The following NDST4 variants were observed in gnomAD, a reference collection of about 807,000 sequenced individuals.
The protein encoded by NDST4 is N-deacetylase and N-sulfotransferase 4, also known as N-heparan sulfate sulfotransferase 4.
NDST4 carries 63 observed loss-of-function variants against 100.8 expected under a neutral mutation model. The observed-to-expected ratio is 0.62, with a 90% CI of 0.51 to 0.77. The LOEUF is 0.77. NDST4 is among the 30% of genes least tolerant of loss of function. The pLI is 0.00. For missense variants in NDST4, 943 were observed against 1,018.4 expected (o/e 0.93, Z 1.01); for synonymous variants, 377 against 361.8 (o/e 1.04, Z -0.48).
At chr4:115,000,331 A>C (rs1374245351) in intron 2 of NDST4, among the ~76,000 whole-genome samples, 1 of 151,988 alleles carries the variant, frequency 6.6e-6, no homozygotes, top group African/African-American at 2.4e-5. Context: ...CAGGAATTTA[A>C]CCTTTCATTT....
At chr4:114,879,375 A>C (rs1724319325) in intron 6 of NDST4, among the ~76,000 whole-genome samples, 1 of 152,176 alleles carries the variant, frequency 6.6e-6, no homozygotes, top group Non-Finnish European at 1.5e-5. Context: ...CATTTTCAAA[A>C]GTTCAATTAG....
intron 6 of NDST4, among the ~76,000 whole-genome samples, chr4:114,915,021 T>A (rs1725140626): frequency 6.6e-6 from 1 of 152,186 alleles, no homozygotes; most frequent in Admixed American, 6.5e-5. Flanking sequence ...ACTGGCACTA[T>A]TTTTAATGAA....
chr4:114,866,487 T>C (rs1349750660), intron 7 of NDST4, among the ~76,000 whole-genome samples: 1 of 152,224 alleles, frequency 6.6e-6, no homozygotes, highest in Middle Eastern at 3.2e-3. Context: ...TACCATTACA[T>C]CACTATTTAC....
At chr4:115,024,726 T>C (rs907869211) in intron 2 of NDST4, among the ~76,000 whole-genome samples, 5 of 152,080 alleles carry the variant, frequency 3.3e-5, no homozygotes, top group Non-Finnish European at 7.3e-5. Context: ...TGGAATAGAA[T>C]GAATGTAATT....
intron 2 of NDST4, among the ~76,000 whole-genome samples, chr4:115,007,658 TG>T (rs2073162621): frequency 1.4e-5 from 1 of 73,392 alleles, no homozygotes. Flanking sequence ...TTGGGAGAAA[TG>T]GGATATGAAA....
chr4:115,035,629 G>T (rs527649223), intron 2 of NDST4, among the ~76,000 whole-genome samples: 2 of 151,972 alleles, frequency 1.3e-5, no homozygotes, highest in African/African-American at 4.8e-5. Flanking sequence ...AAAACATAGC[G>T]ACATGTTTTT....
At chr4:115,047,721 G>A (rs1008422456) in intron 2 of NDST4, among the ~76,000 whole-genome samples, 1 of 151,980 alleles carries the variant, frequency 6.6e-6, no homozygotes, top group African/African-American at 2.4e-5. Context: ...TAGGTTTGAC[G>A]GCAGATAAAT....
chr4:115,088,322 T>A lies in NDST4; in HGVS notation c.-246-11040A>T, dbSNP rs114177788. On this transcript the variant is annotated intron_variant, in intron 1 of 13. Transcript: ENST00000264363. ...AATGTATATCTCTTCTAAAGTTAAT[T>A]TTTTTTTTTTTGCCTCCACCTATTT... 6.4e-4 allele frequency among the ~76,000 whole-genome samples: 69 copies of A among 107,574 alleles called. No homozygotes were observed. The East Asian group carries it at 0.016, about 25-fold the overall frequency. 70.6% of individuals were successfully genotyped at this position (107,574 alleles called of 152,430 possible).
At position 114,850,680 on chromosome 4, in the gene NDST4, C is replaced by T. The variant is rs77525908; in HGVS notation, c.1816+2045G>A. Among the ~76,000 whole-genome samples, 35 of 152,094 alleles carry T rather than the reference C, an allele frequency of 2.3e-4. No individual in the cohort carries two copies. The East Asian group carries it at 6.0e-3, about 26-fold the overall frequency. ...TCAACTCCTCCTTAGTTTTAATGTA[C>T]GGGGGTAAGCCAGGCAAATCATGAG... is the stretch of plus-strand genomic sequence containing the variant. On this transcript the variant is annotated intron_variant, in intron 8 of 13. Transcript: ENST00000264363.
intron 1 of NDST4, among the ~76,000 whole-genome samples, chr4:115,105,474 CTG>C (rs1485137593): frequency 1.3e-5 from 2 of 152,060 alleles, no homozygotes; most frequent in Non-Finnish European, 2.9e-5. Context: ...GTAATTTCCA[CTG>C]TGTAATTTTA....
At chr4:114,957,405 AG>A (rs1469833806) in intron 4 of NDST4, among the ~76,000 whole-genome samples, 1 of 152,166 alleles carries the variant, frequency 6.6e-6, no homozygotes, top group Admixed American at 6.5e-5. Context: ...CACTATCAAA[AG>A]AATAGTATGG....
At chr4:114,835,070 G>T (rs535055718) in intron 11 of NDST4, among the ~76,000 whole-genome samples, 1 of 151,964 alleles carries the variant, frequency 6.6e-6, no homozygotes, top group South Asian at 2.1e-4. Context: ...ACCAGCTCTT[G>T]GATTCATGGA....
At chr4:115,022,282 C>T (rs766182250) in intron 2 of NDST4, among the ~76,000 whole-genome samples, 5 of 151,228 alleles carry the variant, frequency 3.3e-5, no homozygotes, top group African/African-American at 9.8e-5. Context: ...CGTCTATGCA[C>T]GTTCCACATA....
intron 2 of NDST4, among the ~76,000 whole-genome samples, chr4:115,051,445 C>T (rs1728581546): frequency 6.6e-6 from 1 of 152,034 alleles, no homozygotes; most frequent in Admixed American, 6.6e-5. Context: ...TTCTTTTAAT[C>T]ACCAATCTAT....
At chr4:114,985,659 T>C (rs937897555) in intron 2 of NDST4, among the ~76,000 whole-genome samples, 2 of 152,226 alleles carry the variant, frequency 1.3e-5, no homozygotes, top group Non-Finnish European at 2.9e-5. Context: ...ACATTCTTTT[T>C]AGACACACAG....
chr4:114,991,225 T>C (rs918351163), intron 2 of NDST4, among the ~76,000 whole-genome samples: 2 of 152,024 alleles, frequency 1.3e-5, no homozygotes, highest in African/African-American at 2.4e-5. Flanking sequence ...CAAATGAGAA[T>C]AATACAACAT....
At chr4:114,992,251 C>T (rs570257661) in intron 2 of NDST4, among the ~76,000 whole-genome samples, 1 of 151,826 alleles carries the variant, frequency 6.6e-6, no homozygotes, top group South Asian at 2.1e-4. Context: ...TTAAGCTACT[C>T]TTGCCTGCAA....
At chr4:114,978,930 G>A (rs989161604) in intron 2 of NDST4, among the ~76,000 whole-genome samples, 6 of 151,982 alleles carry the variant, frequency 3.9e-5, no homozygotes, top group Non-Finnish European at 7.4e-5. Context: ...ATTGGGTAAG[G>A]CATGCAAATT....
chr4:115,057,511 A>T (rs1560583411), intron 2 of NDST4, among the ~76,000 whole-genome samples: 1 of 152,116 alleles, frequency 6.6e-6, no homozygotes, highest in Admixed American at 6.6e-5. Context: ...GAAAAATGCC[A>T]ACCTGAAAGT....
Sources: gnomAD v4.1 joint callset for allele counts (sites outside exome capture counted in the v4.1 genomes callset) on GRCh38, gnomAD v4.1.1 for gene constraint, MANE v1.5 for transcripts, NCBI Gene and HGNC (gene_info 2026-07-23, HGNC 2026-07-21) for gene names.